The following CHRM3 variants were observed in gnomAD, a reference collection of about 807,000 sequenced individuals.
The protein encoded by CHRM3 is muscarinic acetylcholine receptor M3.
CHRM3 carries 11 observed loss-of-function variants against 41.8 expected under a neutral mutation model. The observed-to-expected ratio is 0.26, with a 90% confidence interval of 0.17 to 0.44. The LOEUF (loss-of-function observed/expected upper bound fraction) is 0.44. Among genes scored for constraint, CHRM3 ranks in the 20% least tolerant of loss-of-function variants. The pLI, the probability that CHRM3 is intolerant of heterozygous loss-of-function variation, is 1.00. For synonymous variants in CHRM3, 297 were observed against 301.4 expected (o/e 0.99, Z 0.15); for missense variants, 571 against 745.4 (o/e 0.77, Z 2.72).
At chr1:239,796,178 G>T (rs753030323) in intron 5 of CHRM3, among the ~76,000 whole-genome samples, 19 of 152,054 alleles carry the variant, frequency 1.2e-4, no homozygotes, top group Non-Finnish European at 2.4e-4. Flanking sequence ...AGCATCCAAG[G>T]TTGCACTTCT....
chr1:239,483,990 A>G (rs907417505), intron 1 of CHRM3, among the ~76,000 whole-genome samples: 1 of 152,224 alleles, frequency 6.6e-6, no homozygotes, highest in African/African-American at 2.4e-5. Flanking sequence ...GTTGAAAAAC[A>G]TAATGCTATT....
intron 2 of CHRM3, 80 bp from the exon 3 acceptor site, chr1:239,545,561 A>G (rs367590537): frequency 6.6e-6 from 1 of 152,194 alleles, no homozygotes; most frequent in East Asian, 1.9e-4. Flanking sequence ...ATTATGCTAC[A>G]GATTAGAAAG....
intron 1 of CHRM3, among the ~76,000 whole-genome samples, chr1:239,468,202 C>G (rs1216952393): frequency 6.6e-6 from 1 of 152,088 alleles, no homozygotes; most frequent in Non-Finnish European, 1.5e-5. Flanking sequence ...TCAATAGACT[C>G]TCACTGGCAC....
intron 4 of CHRM3, among the ~76,000 whole-genome samples, chr1:239,675,171 G>T (rs1314314524): frequency 6.6e-6 from 1 of 152,154 alleles, no homozygotes. Context: ...TGTTCACCCT[G>T]TGAGTTTTCT....
chr1:239,576,492 C>T (rs894094127), intron 3 of CHRM3, among the ~76,000 whole-genome samples: 1 of 151,730 alleles, frequency 6.6e-6, no homozygotes, highest in Admixed American at 6.6e-5. Context: ...CCTATAATCT[C>T]AGTGCTTTGG....
chr1:239,548,420 A>G (rs1407675339), intron 3 of CHRM3, among the ~76,000 whole-genome samples: 1 of 152,250 alleles, frequency 6.6e-6, no homozygotes, highest in East Asian at 1.9e-4. Context: ...CCATCTCTGT[A>G]TGCAGAAAGT....
At chr1:239,512,643 C>G (rs1331589031) in intron 2 of CHRM3, among the ~76,000 whole-genome samples, 2 of 152,110 alleles carry the variant, frequency 1.3e-5, no homozygotes, top group Non-Finnish European at 2.9e-5. Flanking sequence ...CCTCCTCCCT[C>G]TCCTGCTTTC....
rs138213724 is a variant in CHRM3, at chr1:239,875,360, T to A, written c.-19-32073T>A. On this transcript the variant is annotated intron_variant, in intron 6 of 6. Transcript: ENST00000676153. ...CTGTTGGGACTATTCGACTCTGTTG[T>A]AGTACAAAGACAACCACAGACAACA... 6.2e-4 allele frequency among the ~76,000 whole-genome samples: 94 copies of A among 152,340 alleles called. No homozygotes were observed. In the Middle Eastern group the frequency reaches 0.02, roughly 33 times the overall value.
intron 1 of CHRM3, among the ~76,000 whole-genome samples, chr1:239,440,549 A>G (rs890759699): frequency 6.6e-6 from 1 of 152,238 alleles, no homozygotes; most frequent in Admixed American, 6.5e-5. Flanking sequence ...ATATGCATGT[A>G]TCTCATATAG....
intron 3 of CHRM3, among the ~76,000 whole-genome samples, chr1:239,598,597 G>A (rs1665091343): frequency 6.6e-6 from 1 of 152,046 alleles, no homozygotes; most frequent in South Asian, 2.1e-4. Flanking sequence ...GTTTGAAAAC[G>A]AGTCCCAGAT....
intron 3 of CHRM3, among the ~76,000 whole-genome samples, chr1:239,618,706 T>C (rs377537635): frequency 1.0e-4 from 15 of 150,434 alleles, no homozygotes; most frequent in African/African-American, 2.9e-4. Flanking sequence ...TAGCTGGGCG[T>C]GGTGGCAGCC....
chr1:239,655,757 T>C (rs1672655404), intron 4 of CHRM3, among the ~76,000 whole-genome samples: 1 of 152,208 alleles, frequency 6.6e-6, no homozygotes, highest in South Asian at 2.1e-4. Flanking sequence ...ATGGGCAGTC[T>C]TTCTAAAGGC....
At chr1:239,447,370 A>G (rs1355573979) in intron 1 of CHRM3, among the ~76,000 whole-genome samples, 1 of 152,174 alleles carries the variant, frequency 6.6e-6, no homozygotes, top group Non-Finnish European at 1.5e-5. Context: ...GTTTCTATGT[A>G]TATTTTGGTA....
At chr1:239,785,001 G>A (rs150227592) in intron 5 of CHRM3, among the ~76,000 whole-genome samples, 143 of 152,302 alleles carry the variant, frequency 9.4e-4, no homozygotes, top group African/African-American at 3.4e-3. Flanking sequence ...TAGTTGTCTA[G>A]AATGTTCATT....
chr1:239,901,604 C>G (rs1211873784), intron 6 of CHRM3, among the ~76,000 whole-genome samples: 1 of 151,948 alleles, frequency 6.6e-6, no homozygotes, highest in East Asian at 1.9e-4. Context: ...TAAATTTTAT[C>G]GTGTTGTATT....
chr1:239,404,634 T>C (rs1213952329), intron 1 of CHRM3, among the ~76,000 whole-genome samples: 1 of 148,634 alleles, frequency 6.7e-6, no homozygotes, highest in Non-Finnish European at 1.5e-5. Flanking sequence ...CCCACTGAAA[T>C]ATAAACACAA....
chr1:239,605,524 T>C (rs1558365830), intron 3 of CHRM3, among the ~76,000 whole-genome samples: 1 of 152,204 alleles, frequency 6.6e-6, no homozygotes, highest in African/African-American at 2.4e-5. Flanking sequence ...AAGCAAAGCA[T>C]GACTGTACAG....
At chr1:239,890,331 G>A (rs1272094723) in intron 6 of CHRM3, among the ~76,000 whole-genome samples, 2 of 145,082 alleles carry the variant, frequency 1.4e-5, no homozygotes, top group Non-Finnish European at 3.0e-5. Context: ...TGGGCAACAA[G>A]AGTGAGACTC....
At chr1:239,433,809 G>A (rs566491088) in intron 1 of CHRM3, among the ~76,000 whole-genome samples, 15 of 152,280 alleles carry the variant, frequency 9.9e-5, no homozygotes, top group African/African-American at 3.6e-4. Context: ...CTATGACTGA[G>A]TAGTATTCCA....
Sources: allele counts gnomAD v4.1 joint callset (sites outside exome capture counted in the v4.1 genomes callset), GRCh38; gene constraint gnomAD v4.1.1; transcripts MANE v1.5; gene names NCBI Gene and HGNC (gene_info 2026-07-23, HGNC 2026-07-21).